The following SMARCD1 variants were observed in gnomAD, a reference collection of about 807,000 sequenced individuals.
SMARCD1 encodes the protein SWI/SNF related BAF chromatin remodeling complex subunit D1.
In SMARCD1, 16 loss-of-function variants were observed where a neutral mutation model predicts 70.8. That is an observed-to-expected ratio of 0.23 (90% CI 0.15 to 0.34). SMARCD1 has a LOEUF of 0.34. Ranked by LOEUF, SMARCD1 falls within the 10% of genes least tolerant of loss-of-function variation. The pLI, the probability that SMARCD1 is intolerant of heterozygous loss-of-function variation, is 1.00. For synonymous variants in SMARCD1, 249 were observed against 246.0 expected (o/e 1.01, Z -0.11); for missense variants, 409 against 655.5 (o/e 0.62, Z 4.11).
At chr12:50,092,776 C>G (rs891595977) in intron 9 of SMARCD1, among the ~76,000 whole-genome samples, 37 of 152,186 alleles carry the variant, frequency 2.4e-4, no homozygotes, top group African/African-American at 7.7e-4. Context: ...GTGGCACATT[C>G]CTGTAGACCC....
At chr12:50,088,714 G>A (rs1592288101) in intron 6 of SMARCD1, 77 bp downstream of exon 6, 1 of 782,858 alleles carries the variant, frequency 1.3e-6, no homozygotes. Flanking sequence ...AATGTCTAAG[G>A]AGATGGGGAG....
chr12:50,087,612 A>G, intron 5 of SMARCD1, 127 bp downstream of exon 5: 1 of 1,122,192 alleles, frequency 8.9e-7, no homozygotes, highest in Non-Finnish European at 1.3e-6. Context: ...GGAGAGGGAC[A>G]CTGTTCCCTG....
At chr12:50,096,228 T>G (rs554089239) in intron 10 of SMARCD1, among the ~76,000 whole-genome samples, 13 of 152,290 alleles carry the variant, frequency 8.5e-5, no homozygotes, top group Admixed American at 2.0e-4. Context: ...GGAAATGTTA[T>G]GATGCCTCCC....
chr12:50,099,955 C>T lies in SMARCD1; in HGVS notation c.*955C>T, dbSNP rs1465672928. 1.3e-5 allele frequency: 2 copies of T among 152,724 alleles called. No individual in the cohort carries two copies. The highest frequency in any genetic ancestry group is 1.5e-5 in the Non-Finnish European group (1 of 68,104). 9.5% of individuals were successfully genotyped at this position (152,724 alleles called of 1,614,324 possible). Reference sequence around the variant, plus strand: ...CTGTCCCTTGTCTGCCCAGTTGACACCTACTGGTGACTTCTAGGGCACTGA... The same window carrying T: ...CTGTCCCTTGTCTGCCCAGTTGACATCTACTGGTGACTTCTAGGGCACTGA... On this transcript the variant is annotated 3_prime_UTR_variant, in exon 13 of 13. Transcript: ENST00000394963.
Position 50,085,367 on chromosome 12 carries a change from A to G in SMARCD1, c.-3A>G. ...GTGCGGCTGCATCGGCGGCTCCGGG[A>G]AGATGGCGGCCCGGGCGGGTTTCCA... is the stretch of plus-strand genomic sequence containing the variant. On this transcript the variant is annotated 5_prime_UTR_variant, in exon 1 of 13. Coordinates refer to ENST00000394963, the MANE Select transcript of SMARCD1 (RefSeq NM_003076.5). 1 of 1,259,594 alleles carries G rather than the reference A, an allele frequency of 7.9e-7. No individual in the cohort carries two copies. The highest frequency in any genetic ancestry group is 3.5e-5 in the Admixed American group (1 of 28,226). 78.0% of individuals were successfully genotyped at this position (1,259,594 alleles called of 1,614,324 possible).
intron 5 of SMARCD1, among the ~76,000 whole-genome samples, chr12:50,087,758 C>T (rs1950804400): frequency 6.6e-6 from 1 of 152,084 alleles, no homozygotes; most frequent in Admixed American, 6.5e-5. Flanking sequence ...TGGATTTAGC[C>T]ATATCTGTAG....
Position 50,085,379 on chromosome 12 carries a change from C to A in SMARCD1, c.10C>A (p.Arg4=). 3 of 1,263,976 alleles carry A rather than the reference C, an allele frequency of 2.4e-6. No individual in the cohort carries two copies. The highest frequency in any genetic ancestry group is 3.0e-5 in the East Asian group (1 of 33,128). The allele number at this position is 1,263,976 out of a possible 1,614,324, so 78.3% of individuals were successfully genotyped here. A position where few individuals can be genotyped will look rare whatever the true frequency, so the allele number is the denominator to read the frequency against. MAA[R]AGFQSVAPSG... is the part of the protein sequence containing the mutation. ...CGGCGGCTCCGGGAAGATGGCGGCC[C>A]GGGCGGGTTTCCAGTCTGTGGCTCC... is the stretch of plus-strand genomic sequence containing the variant. The change falls in exon 1 of 13, where the codon CGG becomes AGG. Residue 4 remains arginine (R), a synonymous_variant. Coordinates refer to ENST00000394963, the MANE Select transcript of SMARCD1 (RefSeq NM_003076.5).
At position 50,090,366 on chromosome 12, in the gene SMARCD1, G is replaced by T; in HGVS notation, c.999G>T (p.Glu333Asp). 1 of 1,614,110 alleles carries T rather than the reference G, an allele frequency of 6.2e-7. No homozygotes were observed. The highest frequency in any genetic ancestry group is 1.1e-5 in the South Asian group (1 of 91,080). Residue 333 changes from glutamate (E) to aspartate (D), a missense_variant, in exon 8 of 13, where the codon GAG becomes GAT. By Grantham distance (45) the Glu-to-Asp change is conservative (BLOSUM62 2). Transcript: ENST00000394963. The part of the protein sequence containing the change: ...IKTHKLQDPH[E>D]REFVICDKYL... Reference sequence around the variant, plus strand: ...CACATAAGCTCCAGGACCCTCACGAGCGGGAGTTTGTCATCTGTGACAAGT... The same window carrying T: ...CACATAAGCTCCAGGACCCTCACGATCGGGAGTTTGTCATCTGTGACAAGT...
intron 11 of SMARCD1, 63 bp from the exon 12 acceptor site, chr12:50,098,651 G>A: frequency 7.5e-7 from 1 of 1,328,962 alleles, no homozygotes; most frequent in Non-Finnish European, 1.1e-6. Flanking sequence ...TAATGGGTGT[G>A]AAGGAAGGAA....
chr12:50,097,026 G>C, intron 11 of SMARCD1, 54 bp downstream of exon 11: 33 of 1,515,126 alleles, frequency 2.2e-5, no homozygotes, highest in Non-Finnish European at 2.9e-5. Flanking sequence ...GTGCACAGCT[G>C]CTTTATTCAT....
rs1266790594 is a variant in SMARCD1 at position 50,099,464 on chromosome 12, A to T, written c.*464A>T. On this transcript the variant is annotated 3_prime_UTR_variant, in exon 13 of 13. Coordinates refer to ENST00000394963, the MANE Select transcript of SMARCD1 (RefSeq NM_003076.5). Reference sequence around the variant, plus strand: ...CTTGGCTCTCCTGATAACAGAATCCAATTTCCTTCCTTCCCTCCACAGGTT... The same window carrying T: ...CTTGGCTCTCCTGATAACAGAATCCTATTTCCTTCCTTCCCTCCACAGGTT... The T allele has an allele frequency of 2.5e-6, 1 of 405,330 alleles. No individual in the cohort carries two copies. Among genetic ancestry groups the T allele is most frequent in the African/African-American group, 2.1e-5 (1 of 48,706 alleles). 25.1% of individuals were successfully genotyped at this position (405,330 alleles called of 1,614,324 possible).
Position 50,098,942 on chromosome 12 carries a change from C to G in SMARCD1, c.1495-5C>G. ...CTTCCACTCCCTTCACTATTTTCTC[C>G]TTAGGTGCAGCAGAGACGACAAGAA... On this transcript the variant is annotated splice_region_variant and splice_polypyrimidine_tract_variant and intron_variant, in intron 12 of 12. Coordinates refer to ENST00000394963, the MANE Select transcript of SMARCD1 (RefSeq NM_003076.5). 1 of 1,614,002 alleles carries G rather than the reference C, an allele frequency of 6.2e-7. No homozygotes were observed.
Position 50,098,834 on chromosome 12 carries a change from C to T in SMARCD1, c.1494+19C>T, listed in dbSNP as rs900012204. The stretch of plus-strand genomic sequence containing the variant: ...CTCCAAGGTAAGTACATGGGGTGCA[C>T]GGGGGAAATTGACAAAAGGCACGGG... On this transcript the variant is annotated intron_variant, in intron 12 of 12. Transcript: ENST00000394963. 1.7e-5 allele frequency: 28 copies of T among 1,608,918 alleles called. No individual in the cohort carries two copies. The highest frequency in any genetic ancestry group is 1.2e-4 in the African/African-American group (9 of 74,802).
chr12:50,088,575 T>A lies in SMARCD1; in HGVS notation c.709T>A (p.Phe237Ile). 6.2e-7 allele frequency: 1 copy of A among 1,612,288 alleles called. No homozygotes were observed. Among genetic ancestry groups the A allele is most frequent in the Non-Finnish European group, 8.5e-7 (1 of 1,178,874 alleles). The change falls in exon 6 of 13, where the codon TTT becomes ATT. Residue 237 changes from phenylalanine (F) to isoleucine (I), a missense_variant. Physicochemically the swap from Phe to Ile is conservative, Grantham distance 21. Coordinates refer to ENST00000394963, the MANE Select transcript of SMARCD1 (RefSeq NM_003076.5). Reference sequence around the variant, plus strand: ...ACAAAAGAGGAAGTTCTCTTCCTTTTTTAAGTCCTTGGTGATTGAACTGGA... The same window carrying A: ...ACAAAAGAGGAAGTTCTCTTCCTTTATTAAGTCCTTGGTGATTGAACTGGA... ...TKQKRKFSSF[F>I]KSLVIELDKD...
At chr12:50,091,137 C>T (rs1950839948) in intron 9 of SMARCD1, among the ~76,000 whole-genome samples, 2 of 151,998 alleles carry the variant, frequency 1.3e-5, no homozygotes, top group Admixed American at 6.5e-5. Flanking sequence ...CCACCGCGCC[C>T]AGCCTGTATT....
intron 9 of SMARCD1, among the ~76,000 whole-genome samples, chr12:50,091,668 C>T (rs1463220330): frequency 6.6e-6 from 1 of 152,122 alleles, no homozygotes; most frequent in African/African-American, 2.4e-5. Context: ...CCTCCGCCAC[C>T]TGAGTTCAAG....
intron 10 of SMARCD1, chr12:50,096,638 C>T (rs1950895594): frequency 2.0e-6 from 1 of 498,572 alleles, no homozygotes; most frequent in Non-Finnish European, 3.6e-6. Context: ...GCTTTCCTCA[C>T]ATGGGGTATA....
intron 9 of SMARCD1, among the ~76,000 whole-genome samples, chr12:50,093,259 G>A (rs775997151): frequency 5.9e-5 from 9 of 151,700 alleles, no homozygotes; most frequent in East Asian, 2.0e-4. Context: ...CATGATCTTC[G>A]CTCTCTGCAA....
At chr12:50,093,260 C>A (rs1317573322) in intron 9 of SMARCD1, among the ~76,000 whole-genome samples, 2 of 151,898 alleles carry the variant, frequency 1.3e-5, no homozygotes, top group African/African-American at 4.8e-5. Flanking sequence ...ATGATCTTCG[C>A]TCTCTGCAAC....
Sources: gnomAD v4.1 joint callset for allele counts (sites outside exome capture counted in the v4.1 genomes callset) on GRCh38, gnomAD v4.1.1 for gene constraint, MANE v1.5 for transcripts, NCBI Gene and HGNC (gene_info 2026-07-23, HGNC 2026-07-21) for gene names.